The following SPDYE21 variants were observed in gnomAD, a reference collection of about 807,000 sequenced individuals.
The protein encoded by SPDYE21 is speedy/RINGO cell cycle regulator family member E21, also known as speedy protein E21.
SPDYE21 carries 14 observed loss-of-function variants against 36.2 expected under a neutral mutation model. That is an observed-to-expected ratio of 0.39 (90% CI 0.26 to 0.61). SPDYE21 has a LOEUF of 0.61. SPDYE21 is among the 20% of genes least tolerant of loss of function. The pLI is 0.55. For missense variants in SPDYE21, 233 were observed against 424.6 expected (o/e 0.55, Z 3.97); for synonymous variants, 58 against 155.1 (o/e 0.37, Z 4.65).
chr7:67,284,839 G>T (rs978301517), intron 6 of SPDYE21, among the ~76,000 whole-genome samples: 2 of 151,896 alleles, frequency 1.3e-5, no homozygotes, highest in Non-Finnish European at 2.9e-5. Flanking sequence ...CTTAGCTGAT[G>T]CCTTTCTCTA....
At chr7:67,280,809 G>A (rs1242076381) in intron 3 of SPDYE21, among the ~76,000 whole-genome samples, 12,791 of 100,476 alleles carry the variant, frequency 0.13, no homozygotes, top group Middle Eastern at 0.23. Context: ...GAGGCAGGGT[G>A]CAGTGGCTCA....
chr7:67,280,510 A>G (rs1235738337), intron 3 of SPDYE21, among the ~76,000 whole-genome samples: 6 of 151,458 alleles, frequency 4.0e-5, no homozygotes, highest in Non-Finnish European at 7.4e-5. Flanking sequence ...GAGACCAACC[A>G]GACCAATATA....
rs1362704128 is a variant in SPDYE21 at position 67,288,079 on chromosome 7, G to A, written c.*607G>A. 1.3e-5 allele frequency among the ~76,000 whole-genome samples: 2 copies of A among 151,534 alleles called. No homozygotes were observed. Among genetic ancestry groups the A allele is most frequent in the African/African-American group, 2.4e-5 (1 of 41,306 alleles). On this transcript the variant is annotated 3_prime_UTR_variant, in exon 9 of 9. Coordinates refer to ENST00000424157, the MANE Select transcript of SPDYE21 (RefSeq NM_001382715.2). Reference sequence around the variant, plus strand: ...CATGCTGTTCCTGTAGTTTTTTGATGAGAGTTATAGTTGTTATATATACAT... The same window carrying A: ...CATGCTGTTCCTGTAGTTTTTTGATAAGAGTTATAGTTGTTATATATACAT...
At position 67,281,606 on chromosome 7, in the gene SPDYE21, TAGG is replaced by T. The variant is rs1338901523; in HGVS notation, c.610+7_610+9del. Reference sequence around the variant, plus strand: ...ACGAGGCCTTCAACAGGCTGCTTGGTAGGAGGACACCCCAGAGAGCACCTCCAA... The same window carrying T: ...ACGAGGCCTTCAACAGGCTGCTTGGTAGGACACCCCAGAGAGCACCTCCAA... On this transcript the variant is annotated splice_donor_5th_base_variant and intron_variant, in intron 4 of 8. Transcript: ENST00000424157. 1 of 1,596,910 alleles carries T rather than the reference TAGG, an allele frequency of 6.3e-7. No individual in the cohort carries two copies. Among genetic ancestry groups the T allele is most frequent in the Non-Finnish European group, 8.5e-7 (1 of 1,179,688 alleles).
chr7:67,277,408 C>A (rs3980798), intron 1 of SPDYE21, among the ~76,000 whole-genome samples: 1 of 150,196 alleles, frequency 6.7e-6, no homozygotes, highest in Non-Finnish European at 1.5e-5. Flanking sequence ...GTAACTCTTT[C>A]ATTTTTTATC....
At chr7:67,283,113 A>G (rs911957404) in intron 5 of SPDYE21, among the ~76,000 whole-genome samples, 4 of 151,170 alleles carry the variant, frequency 2.6e-5, no homozygotes, top group Admixed American at 6.6e-5. Flanking sequence ...ACCAGCTCCC[A>G]TGGTCTTGAG....
At chr7:67,281,099 CA>C (rs3972832) in intron 3 of SPDYE21, among the ~76,000 whole-genome samples, 4,397 of 44,066 alleles carry the variant, frequency 0.1, 58 homozygotes, top group African/African-American at 0.11. Context: ...ACAACAACAA[CA>C]AAAAAAAAAA....
At chr7:67,280,584 C>T (rs1450490835) in intron 3 of SPDYE21, among the ~76,000 whole-genome samples, 7 of 145,346 alleles carry the variant, frequency 4.8e-5, no homozygotes, top group African/African-American at 1.0e-4. Flanking sequence ...CCCAGCTACT[C>T]GGGAGGCTGA....
intron 8 of SPDYE21, among the ~76,000 whole-genome samples, 75 bp from the exon 9 acceptor site, chr7:67,287,443 G>C (rs1325584198): frequency 1.1e-4 from 16 of 152,124 alleles, no homozygotes; most frequent in Non-Finnish European, 1.2e-4. Context: ...CTCTAGACTT[G>C]ACATGGGACG....
At chr7:67,280,983 T>C (rs1366397780) in intron 3 of SPDYE21, among the ~76,000 whole-genome samples, 1 of 144,578 alleles carries the variant, frequency 6.9e-6, no homozygotes, top group East Asian at 2.1e-4. Context: ...TTGGGAGGCT[T>C]AGGCAGGAGA....
intron 3 of SPDYE21, among the ~76,000 whole-genome samples, 184 bp from the exon 4 acceptor site, chr7:67,281,190 G>A: frequency 6.8e-6 from 1 of 147,092 alleles, no homozygotes; most frequent in African/African-American, 2.5e-5. Flanking sequence ...AGAAACGGGA[G>A]AATGGGGAGG....
intron 3 of SPDYE21, among the ~76,000 whole-genome samples, chr7:67,280,322 C>G (rs1802609312): frequency 6.6e-6 from 1 of 152,006 alleles, no homozygotes; most frequent in Non-Finnish European, 1.5e-5. Context: ...AAGAGGATTG[C>G]TTGAACTCAG....
chr7:67,287,840 T>TAA lies in SPDYE21; in HGVS notation c.*369_*370insAA, dbSNP rs1485022036. ...GGCGGAACCTGGAGGTGCTGTTTCT[T>TAA]ACGGACTTGGTTGCCACAGTCCAGG... On this transcript the variant is annotated 3_prime_UTR_variant, in exon 9 of 9. Coordinates refer to ENST00000424157, the MANE Select transcript of SPDYE21 (RefSeq NM_001382715.2). 6.6e-6 allele frequency among the ~76,000 whole-genome samples: 1 copy of TAA among 152,148 alleles called. No individual in the cohort carries two copies. The highest frequency in any genetic ancestry group is 1.5e-5 in the Non-Finnish European group (1 of 68,038).
In SPDYE21 at chr7:67,278,800, GCAGAGTCCC is replaced by G. The variant is rs1802581966; in HGVS notation, c.91_99del (p.Ser31_Gln33del). On this transcript the variant is annotated inframe_deletion, in exon 2 of 9. Coordinates refer to ENST00000424157, the MANE Select transcript of SPDYE21 (RefSeq NM_001382715.2). Reference sequence around the variant, plus strand: ...GCCGTCAACTGCACCCCCAGAATGAGCAGAGTCCCCAGCGGAGCACCTCGGGGTACCCCC... The same window carrying G: ...GCCGTCAACTGCACCCCCAGAATGAGCAGCGGAGCACCTCGGGGTACCCCC... 6.6e-6 allele frequency among the ~76,000 whole-genome samples: 1 copy of G among 152,124 alleles called. No individual in the cohort carries two copies. The highest frequency in any genetic ancestry group is 1.5e-5 in the Non-Finnish European group (1 of 68,014).
At position 67,276,972 on chromosome 7, in the gene SPDYE21, C is replaced by T. The variant is rs1802551740; in HGVS notation, c.-513C>T. ...GGGACTTCCACAGCAATGGGATCGG[C>T]TTCCTCTTTCAGTGTGTGCCTTTTC... On this transcript the variant is annotated 5_prime_UTR_variant, in exon 1 of 9. Coordinates refer to ENST00000424157, the MANE Select transcript of SPDYE21 (RefSeq NM_001382715.2). 6.6e-6 allele frequency among the ~76,000 whole-genome samples: 1 copy of T among 152,220 alleles called. No homozygotes were observed. Among genetic ancestry groups the T allele is most frequent in the South Asian group, 2.1e-4 (1 of 4,834 alleles).
chr7:67,285,982 G>A, intron 6 of SPDYE21, 62 bp from the exon 7 acceptor site: 1 of 1,611,756 alleles, frequency 6.2e-7, no homozygotes, highest in South Asian at 1.1e-5. Context: ...CTGGGAAGCT[G>A]ACCTCAGCCG....
intron 1 of SPDYE21, among the ~76,000 whole-genome samples, chr7:67,277,473 T>A (rs1802559638): frequency 6.6e-6 from 1 of 152,170 alleles, no homozygotes; most frequent in Admixed American, 6.5e-5. Context: ...TGGAGTGCAG[T>A]GGCAAGATCA....
chr7:67,277,532 C>T (rs1235725223), intron 1 of SPDYE21, among the ~76,000 whole-genome samples: 1 of 152,112 alleles, frequency 6.6e-6, no homozygotes, highest in African/African-American at 2.4e-5. Flanking sequence ...CTTCCTGTCA[C>T]ATGAGTCTCC....
In SPDYE21 at chr7:67,286,281, A is replaced by G. The variant is rs1802732306; in HGVS notation, c.993A>G (p.Ile331Met). The change falls in exon 7 of 9, where the codon ATA becomes ATG. Residue 331 changes from isoleucine (I) to methionine (M), a missense_variant. This residue lies in a region of SPDYE21 where 139 missense variants were observed against 175.8 expected (regional missense o/e 0.79). Coordinates refer to ENST00000424157, the MANE Select transcript of SPDYE21 (RefSeq NM_001382715.2). The part of the protein sequence containing the change: ...NPRARKYRSR[I>M]PLVRKRRFQL... ...GGGCCAGGAAGTACCGCTCTCGCAT[A>G]CCCTTGGTCCGTAAGCGTCGGTTCC... 18 of 1,592,606 alleles carry G rather than the reference A, an allele frequency of 1.1e-5. 1 individual carries two copies. The South Asian group carries it at 2.0e-4, about 18-fold the overall frequency.
Sources: allele counts gnomAD v4.1 joint callset (sites outside exome capture counted in the v4.1 genomes callset), GRCh38; gene constraint gnomAD v4.1.1; regional missense constraint gnomAD v4.1.1; transcripts MANE v1.5; gene names NCBI Gene and HGNC (gene_info 2026-07-23, HGNC 2026-07-21).